MRPS14: variants seen among roughly 807,000 people sequenced by gnomAD.
The protein encoded by MRPS14 is small ribosomal subunit protein uS14m.
Under a neutral mutation model 16.4 loss-of-function variants are expected in MRPS14, and 14 were observed. The observed-to-expected ratio is 0.85, with a 90% CI of 0.56 to 1.33. The LOEUF (loss-of-function observed/expected upper bound fraction) is 1.33, where lower values mean the gene tolerates loss of function less well. MRPS14 is among the 40% of genes most tolerant of loss of function. The pLI is 0.00. For missense variants in MRPS14, 162 were observed against 176.8 expected (o/e 0.92, Z 0.48); for synonymous variants, 54 against 61.9 (o/e 0.87, Z 0.60).
At position 175,014,812 on chromosome 1, in the gene MRPS14, T is replaced by A; in HGVS notation, c.244A>T (p.Ser82Cys). 6.2e-7 allele frequency: 1 copy of A among 1,614,072 alleles called. No individual in the cohort carries two copies. The highest frequency in any genetic ancestry group is 2.2e-5 in the East Asian group (1 of 44,882). Reference protein sequence around the residue: ...DEEIAALPRDSCPVRIRNRCV... With the variant: ...DEEIAALPRDCCPVRIRNRCV... ...CGATTTCTGATTCTAACAGGACAGC[T>A]ATCCCGGGGGAGGGCAGCAATTTCT... The change falls in exon 3 of 3, where the codon AGC becomes TGC. Residue 82 changes from serine to cysteine, a missense_variant. Transcript: ENST00000476371.
intron 1 of MRPS14, 194 bp downstream of exon 1, chr1:175,023,170 T>A: frequency 7.3e-7 from 1 of 1,376,722 alleles, no homozygotes; most frequent in Non-Finnish European, 9.7e-7. Context: ...CAGTTAGTCA[T>A]ATGCTTACGA....
At position 175,014,818 on chromosome 1, in the gene MRPS14, G is replaced by T. The variant is rs180930712; in HGVS notation, c.238C>A (p.Arg80=). 5.0e-6 allele frequency: 8 copies of T among 1,613,826 alleles called. No individual in the cohort carries two copies. Among genetic ancestry groups the T allele is most frequent in the Middle Eastern group, 1.7e-4 (1 of 6,058 alleles). The change falls in exon 3 of 3, where the codon CGG becomes AGG. Residue 80 remains arginine, a synonymous_variant. Coordinates refer to ENST00000476371, the MANE Select transcript of MRPS14 (RefSeq NM_022100.3). ...VADEEIAALP[R]DSCPVRIRNR... is the part of the protein sequence containing the mutation. ...CTGATTCTAACAGGACAGCTATCCC[G>T]GGGGAGGGCAGCAATTTCTTCATCA...
intron 2 of MRPS14, among the ~76,000 whole-genome samples, chr1:175,017,446 T>C (rs1019500794): frequency 2.0e-5 from 3 of 152,354 alleles, no homozygotes; most frequent in Middle Eastern, 3.4e-3. Context: ...TCTGCTCATC[T>C]GGCTTAATCC....
chr1:175,023,241 G>A (rs2149416117), intron 1 of MRPS14, 123 bp downstream of exon 1: 2 of 1,552,498 alleles, frequency 1.3e-6, no homozygotes, highest in Non-Finnish European at 1.7e-6. Flanking sequence ...GCGGAAGAGG[G>A]CGGAAGGAGA....
At chr1:175,018,349 G>T in intron 2 of MRPS14, 69 bp downstream of exon 2, 1 of 1,380,586 alleles carries the variant, frequency 7.2e-7, no homozygotes, top group Non-Finnish European at 9.8e-7. Context: ...ACAACAAACA[G>T]TATCAAAAGT....
rs773366912 is a variant in MRPS14, at chr1:175,014,723, G to A, written c.333C>T (p.Phe111=). 1.5e-5 allele frequency: 25 copies of A among 1,613,908 alleles called. No individual in the cohort carries two copies. The South Asian group carries it at 2.5e-4, about 16-fold the overall frequency. ...GTTGCCCATGGTCAGCTAAGTGACG[G>A]AAGACTATACGACTAAGCCTCCAGC... The part of the protein sequence containing the change: ...KRRWRLSRIV[F]RHLADHGQLS... The change falls in exon 3 of 3, where the codon TTC becomes TTT. Residue 111 remains phenylalanine, a synonymous_variant. Transcript: ENST00000476371.
intron 1 of MRPS14, among the ~76,000 whole-genome samples, chr1:175,018,849 T>C (rs771566704): frequency 1.3e-5 from 2 of 152,202 alleles, no homozygotes; most frequent in Non-Finnish European, 2.9e-5. Context: ...TTTTTATTAT[T>C]CTGTTTGACC....
chr1:175,018,079 G>A (rs1430743716), intron 2 of MRPS14, among the ~76,000 whole-genome samples: 1 of 151,718 alleles, frequency 6.6e-6, no homozygotes, highest in Non-Finnish European at 1.5e-5. Context: ...AGCCGAGACT[G>A]AGCCATTGCA....
At chr1:175,015,847 C>G (rs1275135466) in intron 2 of MRPS14, among the ~76,000 whole-genome samples, 1 of 152,034 alleles carries the variant, frequency 6.6e-6, no homozygotes, top group Non-Finnish European at 1.5e-5. Flanking sequence ...ATATAAAAGC[C>G]AAAAATTAAC....
intron 2 of MRPS14, among the ~76,000 whole-genome samples, chr1:175,015,137 C>T (rs183609857): frequency 5.9e-5 from 9 of 151,946 alleles, no homozygotes; most frequent in East Asian, 1.9e-4. Flanking sequence ...TTAGTAGAAA[C>T]GGGGTTTCAC....
intron 2 of MRPS14, among the ~76,000 whole-genome samples, chr1:175,018,072 C>T (rs912993033): frequency 6.6e-5 from 10 of 151,436 alleles, no homozygotes; most frequent in African/African-American, 9.7e-5. Flanking sequence ...TGTGGTGAGC[C>T]GAGACTGAGC....
At position 175,014,272 on chromosome 1, in the gene MRPS14, C is replaced by A; in HGVS notation, c.*397G>T. On this transcript the variant is annotated 3_prime_UTR_variant, in exon 3 of 3. Coordinates refer to ENST00000476371, the MANE Select transcript of MRPS14 (RefSeq NM_022100.3). ...GGTCAGCAAAGCTAGTCCAGGATTACAAACTGCCATACATGAGCTACATGT... is the reference window on the plus strand; with the variant it reads ...GGTCAGCAAAGCTAGTCCAGGATTAAAAACTGCCATACATGAGCTACATGT... 1 of 300,124 alleles carries A rather than the reference C, an allele frequency of 3.3e-6. No individual in the cohort carries two copies. The highest frequency in any genetic ancestry group is 6.0e-6 in the Non-Finnish European group (1 of 165,294). 18.6% of individuals were successfully genotyped at this position (300,124 alleles called of 1,614,324 possible).
rs1224257642 is a variant in MRPS14 at position 175,013,892 on chromosome 1, G to A, written c.*777C>T. ...AGTTCTCCAGGAATATTTTCCTGAT[G>A]TTAAGTAGGTACTTCCATTCAGTAT... is the stretch of plus-strand genomic sequence containing the variant. On this transcript the variant is annotated 3_prime_UTR_variant, in exon 3 of 3. Transcript: ENST00000476371. 2 of 152,184 alleles carry A rather than the reference G, an allele frequency of 1.3e-5. No individual in the cohort carries two copies. Among genetic ancestry groups the A allele is most frequent in the African/African-American group, 4.8e-5 (2 of 41,442 alleles). The allele number at this position is 152,184 out of a possible 1,614,324, so 9.4% of individuals were successfully genotyped here.
Position 175,018,399 on chromosome 1 carries a change from C to A in MRPS14, c.204+19G>T. On this transcript the variant is annotated intron_variant, in intron 2 of 2. Coordinates refer to ENST00000476371, the MANE Select transcript of MRPS14 (RefSeq NM_022100.3). ...TTAATGATCTTGTGGTACAAAGGGA[C>A]TCATCTTAATTAGCTAACCTGAAGA... The A allele has an allele frequency of 6.3e-7, 1 of 1,576,366 alleles. No individual in the cohort carries two copies.
chr1:175,023,299 G>C (rs1311625416), intron 1 of MRPS14, 65 bp downstream of exon 1: 4 of 1,593,026 alleles, frequency 2.5e-6, no homozygotes, highest in Non-Finnish European at 3.4e-6. Context: ...AGAGCCGTGG[G>C]GGACCCGTGG....
rs1266102201 is a variant in MRPS14 at position 175,013,879 on chromosome 1, A to G, written c.*790T>C. On this transcript the variant is annotated 3_prime_UTR_variant, in exon 3 of 3. Transcript: ENST00000476371. ...TCCTGATTTATTAAGTTCTCCAGGA[A>G]TATTTTCCTGATGTTAAGTAGGTAC... 3 of 152,300 alleles carry G rather than the reference A, an allele frequency of 2.0e-5. No individual in the cohort carries two copies. The highest frequency in any genetic ancestry group is 1.9e-4 in the East Asian group (1 of 5,188). 9.4% of individuals were successfully genotyped at this position (152,300 alleles called of 1,614,324 possible).
chr1:175,019,041 AT>A (rs1672933042), intron 1 of MRPS14, among the ~76,000 whole-genome samples: 1 of 151,606 alleles, frequency 6.6e-6, no homozygotes, highest in African/African-American at 2.4e-5. Context: ...CTCCCCTCCC[AT>A]TTTTCGTTCC....
rs1672924496 is a variant in MRPS14 at position 175,018,577 on chromosome 1, C to G, written c.46-1G>C. Reference sequence around the variant, plus strand: ...GGCCTGAAGCTGATGAAGGAACCATCTGAAAGACAGAGACAAGGGACAAGT... The same window carrying G: ...GGCCTGAAGCTGATGAAGGAACCATGTGAAAGACAGAGACAAGGGACAAGT... On this transcript the variant is annotated splice_acceptor_variant, in intron 1 of 2. Transcript: ENST00000476371. LOFTEE classifies it high-confidence loss of function. 1 of 1,591,766 alleles carries G rather than the reference C, an allele frequency of 6.3e-7. No homozygotes were observed. The highest frequency in any genetic ancestry group is 2.2e-5 in the East Asian group (1 of 44,486).
intron 1 of MRPS14, 95 bp from the exon 2 acceptor site, chr1:175,018,671 AT>A (rs750573429): frequency 1.7e-6 from 2 of 1,158,892 alleles, no homozygotes; most frequent in Non-Finnish European, 2.4e-6. Context: ...ACTATTTATC[AT>A]TTAGTATTCT....
Sources: gnomAD v4.1 joint callset for allele counts (sites outside exome capture counted in the v4.1 genomes callset) on GRCh38, gnomAD v4.1.1 for gene constraint, MANE v1.5 for transcripts, NCBI Gene and HGNC (gene_info 2026-07-23, HGNC 2026-07-21) for gene names.